The following ABLIM1 variants were observed in gnomAD, a reference collection of about 807,000 sequenced individuals.
The protein encoded by ABLIM1 is actin-binding LIM protein 1.
Under a neutral mutation model 107.0 loss-of-function variants are expected in ABLIM1, and 40 were observed. The ratio of observed to expected loss-of-function variants is 0.37; its 90% CI spans 0.29 to 0.49. The LOEUF is 0.49. ABLIM1 is among the 20% of genes least tolerant of loss of function. The pLI is 0.97. For synonymous variants in ABLIM1, 357 were observed against 357.3 expected (o/e 1.00, Z 0.01); for missense variants, 857 against 1,008.5 (o/e 0.85, Z 2.04).
intron 1 of ABLIM1, among the ~76,000 whole-genome samples, chr10:114,745,113 C>T (rs902045247): frequency 6.6e-6 from 1 of 152,124 alleles, no homozygotes; most frequent in African/African-American, 2.4e-5. Context: ...CCAAAATATG[C>T]CACTAATTGG....
intron 8 of ABLIM1, chr10:114,485,276 C>A: frequency 6.3e-7 from 1 of 1,580,062 alleles, no homozygotes; most frequent in East Asian, 2.3e-5. Context: ...CTTCGAGCCC[C>A]AGCCTAGACA....
At chr10:114,510,555 A>AT (rs1221220252) in intron 6 of ABLIM1, among the ~76,000 whole-genome samples, 11 of 152,108 alleles carry the variant, frequency 7.2e-5, no homozygotes, top group Non-Finnish European at 1.5e-4. Context: ...CATATTAGGT[A>AT]TTTTTTTGTA....
rs1024911345 is a variant in ABLIM1, at chr10:114,767,965, G to T, written c.-213+96C>A. 154 of 387,432 alleles carry T rather than the reference G, an allele frequency of 4.0e-4. 3 individuals are homozygous for T. The highest frequency in any genetic ancestry group is 2.5e-3 in the Middle Eastern group (3 of 1,188). 24.0% of individuals were successfully genotyped at this position (387,432 alleles called of 1,614,324 possible). A position where few individuals can be genotyped will look rare whatever the true frequency, so the allele number is the denominator to read the frequency against. ...GATCCGCTGCCAAAGTTTCAGGCCG[G>T]GCTGGGGCCGGCGCGGCTGTCGCAG... On this transcript the variant is annotated intron_variant, in intron 1 of 15. Coordinates refer to the ABLIM1 transcript ENST00000651092.
intron 12 of ABLIM1, chr10:114,463,017 T>C: frequency 2.3e-6 from 3 of 1,313,482 alleles, no homozygotes; most frequent in Non-Finnish European, 3.0e-6. Context: ...CTATGCAGGG[T>C]GCTGCCTGGA....
chr10:114,725,680 C>T (rs1036905419), intron 1 of ABLIM1, among the ~76,000 whole-genome samples: 7 of 151,082 alleles, frequency 4.6e-5, no homozygotes, highest in African/African-American at 1.7e-4. Context: ...AAACTAATTG[C>T]GGTTTCTACC....
rs535340064 is a variant in ABLIM1 at position 114,456,941 on chromosome 10, A to C, written c.1442-3458T>G. Among the ~76,000 whole-genome samples, 178 of 152,070 alleles carry C rather than the reference A, an allele frequency of 1.2e-3. 1 individual carries two copies. The highest frequency in any genetic ancestry group is 4.2e-3 in the African/African-American group (173 of 41,512). On this transcript the variant is annotated intron_variant, in intron 12 of 22. Coordinates refer to ENST00000533213, the MANE Select transcript of ABLIM1 (RefSeq NM_002313.7). ...CTCTAGTTGTTTTTTTTTTAAAAAA[A>C]AAAAAAAAACACTACTTTGTTCAAA...
At chr10:114,518,371 C>G (rs2063223740) in intron 6 of ABLIM1, among the ~76,000 whole-genome samples, 1 of 151,880 alleles carries the variant, frequency 6.6e-6, no homozygotes, top group Admixed American at 6.6e-5. Context: ...CTTCTTTGTA[C>G]TTCTCTGAAC....
intron 1 of ABLIM1, among the ~76,000 whole-genome samples, chr10:114,692,761 G>A (rs947168956): frequency 6.6e-6 from 1 of 152,068 alleles, no homozygotes; most frequent in South Asian, 2.1e-4. Context: ...GTGGTGGCGG[G>A]TACCTGTAGT....
At chr10:114,702,428 T>C (rs1000811994) in intron 1 of ABLIM1, among the ~76,000 whole-genome samples, 9 of 152,106 alleles carry the variant, frequency 5.9e-5, no homozygotes, top group African/African-American at 2.2e-4. Flanking sequence ...ACGATAAAAG[T>C]GATTCATTTG....
chr10:114,786,858 C>T, the ABLIM1 span, among the ~76,000 whole-genome samples: 1 of 152,188 alleles, frequency 6.6e-6, no homozygotes, highest in Non-Finnish European at 1.5e-5. Flanking sequence ...CATCCACCTC[C>T]CAGCAGCCTG....
At chr10:114,561,298 G>A (rs771506771) in intron 4 of ABLIM1, among the ~76,000 whole-genome samples, 23 of 152,196 alleles carry the variant, frequency 1.5e-4, no homozygotes, top group Non-Finnish European at 3.2e-4. Flanking sequence ...AGAAAAGAAG[G>A]GGCAGAATGT....
the ABLIM1 span, among the ~76,000 whole-genome samples, chr10:114,796,624 G>A: frequency 0.039 from 5,920 of 152,234 alleles, 384 homozygotes; most frequent in African/African-American, 0.14. Flanking sequence ...GGGGCTCACT[G>A]GGGAATATCT....
chr10:114,473,991 C>A, intron 8 of ABLIM1, 35 bp from the exon 9 acceptor site: 1 of 1,552,466 alleles, frequency 6.4e-7, no homozygotes, highest in Non-Finnish European at 8.9e-7. Context: ...AGACTTCGGA[C>A]CCTGGCTTCA....
intron 1 of ABLIM1, among the ~76,000 whole-genome samples, chr10:114,615,332 G>A (rs1030550651): frequency 1.3e-5 from 2 of 151,890 alleles, no homozygotes; most frequent in African/African-American, 4.8e-5. Flanking sequence ...GCTTTTCCCT[G>A]CCCAGAAGGC....
At chr10:114,473,773 A>G in intron 9 of ABLIM1, 106 bp downstream of exon 9, 1 of 855,532 alleles carries the variant, frequency 1.2e-6, no homozygotes, top group Non-Finnish European at 1.9e-6. Context: ...CATAACAAAA[A>G]TAGAAATCAC....
chr10:114,777,756 T>G, the ABLIM1 span, among the ~76,000 whole-genome samples: 1 of 152,192 alleles, frequency 6.6e-6, no homozygotes, highest in Admixed American at 6.5e-5. Context: ...AGCATGATTC[T>G]TAGTCTTCAC....
At chr10:114,773,367 G>A in the ABLIM1 span, among the ~76,000 whole-genome samples, 1 of 152,270 alleles carries the variant, frequency 6.6e-6, no homozygotes, top group South Asian at 2.1e-4. Flanking sequence ...ACAGACTCAA[G>A]GGAAAGGATA....
intron 1 of ABLIM1, among the ~76,000 whole-genome samples, chr10:114,602,463 C>G (rs544727818): frequency 1.3e-5 from 2 of 152,312 alleles, no homozygotes; most frequent in Admixed American, 1.3e-4. Flanking sequence ...AGCAAAGGTG[C>G]TCAGTAAATG....
At chr10:114,659,720 T>G (rs1179571885), upstream of ABLIM1, among the ~76,000 whole-genome samples, 2 of 152,126 alleles carry the variant, frequency 1.3e-5, no homozygotes, top group Non-Finnish European at 2.9e-5. Flanking sequence ...CTAAACATTC[T>G]CCCAGACTAG....
Sources: gnomAD v4.1 joint callset for allele counts (sites outside exome capture counted in the v4.1 genomes callset) on GRCh38, gnomAD v4.1.1 for gene constraint, MANE v1.5 for transcripts, NCBI Gene and HGNC (gene_info 2026-07-23, HGNC 2026-07-21) for gene names.